Variants in TLK1 observed in about 807,000 individuals in gnomAD.
The protein encoded by TLK1 is tousled like kinase 1, also known as serine/threonine-protein kinase tousled-like 1.
TLK1 carries 24 observed loss-of-function variants against 105.3 expected under a neutral mutation model. The observed-to-expected ratio is 0.23, with a 90% confidence interval of 0.17 to 0.32. The LOEUF (loss-of-function observed/expected upper bound fraction) is 0.32, where lower values mean the gene tolerates loss of function less well. TLK1 is among the 10% of genes least tolerant of loss of function. The probability of loss-of-function intolerance (pLI) is 1.00; values close to 1 mark genes in which losing one functional copy is unlikely to be tolerated. For synonymous variants in TLK1, 321 were observed against 310.4 expected (o/e 1.03, Z -0.36); for missense variants, 558 against 910.5 (o/e 0.61, Z 4.98).
At chr2:171,149,452 C>G (rs144658300) in intron 1 of TLK1, among the ~76,000 whole-genome samples, 2 of 152,210 alleles carry the variant, frequency 1.3e-5, no homozygotes, top group African/African-American at 4.8e-5. Context: ...GTTATATTAA[C>G]TTGTTATGTA....
At chr2:171,138,555 T>C (rs7579424) in intron 1 of TLK1, among the ~76,000 whole-genome samples, 29,837 of 152,166 alleles carry the variant, frequency 0.2, 3,742 homozygotes, top group Non-Finnish European at 0.28. Context: ...AATCTTAACA[T>C]AAAAACTATC....
intron 12 of TLK1, among the ~76,000 whole-genome samples, chr2:171,024,985 G>C (rs1026977634): frequency 6.6e-6 from 1 of 152,150 alleles, no homozygotes; most frequent in Non-Finnish European, 1.5e-5. Flanking sequence ...GCTCTGCTGT[G>C]ATTTTCCTAA....
chr2:171,033,920 A>G (rs1283924164), intron 11 of TLK1, among the ~76,000 whole-genome samples: 4 of 151,418 alleles, frequency 2.6e-5, no homozygotes, highest in African/African-American at 9.7e-5. Context: ...TCCCACAACA[A>G]CAAAACAACA....
chr2:171,107,642 C>T (rs1489537773), intron 2 of TLK1, among the ~76,000 whole-genome samples: 1 of 152,180 alleles, frequency 6.6e-6, no homozygotes, highest in African/African-American at 2.4e-5. Context: ...CCAGAAATGT[C>T]TTGTGTCTGA....
At chr2:171,074,759 T>C (rs781417302) in intron 3 of TLK1, among the ~76,000 whole-genome samples, 3 of 152,002 alleles carry the variant, frequency 2.0e-5, no homozygotes, top group Non-Finnish European at 4.4e-5. Context: ...GGTCAACAAG[T>C]AGAACACCAC....
intron 11 of TLK1, among the ~76,000 whole-genome samples, chr2:171,028,651 G>A (rs1685892838): frequency 6.6e-6 from 1 of 151,706 alleles, no homozygotes; most frequent in African/African-American, 2.4e-5. Context: ...ATATTCTTCA[G>A]AATATATTTA....
chr2:171,162,410 C>T (rs1692527455), upstream of TLK1, among the ~76,000 whole-genome samples: 1 of 152,110 alleles, frequency 6.6e-6, no homozygotes, highest in African/African-American at 2.4e-5. Context: ...TAGCGGCACG[C>T]GCCTGAAGTC....
At chr2:171,144,123 G>A (rs1691699271) in intron 1 of TLK1, among the ~76,000 whole-genome samples, 1 of 150,780 alleles carries the variant, frequency 6.6e-6, no homozygotes, top group Admixed American at 6.6e-5. Context: ...CAATTTATTA[G>A]GAAGATATAA....
At chr2:171,230,692 G>T (rs1048174509) in intron 1 of TLK1, among the ~76,000 whole-genome samples, 1 of 151,718 alleles carries the variant, frequency 6.6e-6, no homozygotes, top group Non-Finnish European at 1.5e-5. Flanking sequence ...GTGTCTTGGC[G>T]TATTGACCTG....
intron 11 of TLK1, among the ~76,000 whole-genome samples, chr2:171,030,239 A>G (rs900877473): frequency 6.6e-6 from 1 of 152,166 alleles, no homozygotes; most frequent in East Asian, 1.9e-4. Context: ...AACTAATTCT[A>G]AAAAAGGAGT....
rs547663781 is a variant in TLK1, at chr2:171,075,561, CATGA to C, written c.330+7216_330+7219del. On this transcript the variant is annotated intron_variant, in intron 3 of 20. Transcript: ENST00000431350. Reference sequence around the variant, plus strand: ...ATTTGATATATGTCTGCTTTATAAACATGAATATTATGGAGTATATTGTATATAA... The same window carrying C: ...ATTTGATATATGTCTGCTTTATAAACATATTATGGAGTATATTGTATATAA... Among the ~76,000 whole-genome samples the C allele has an allele frequency of 1.2e-4, 19 of 152,228 alleles. No individual in the cohort carries two copies. In the East Asian group the frequency reaches 3.5e-3, roughly 28 times the overall value.
chr2:171,046,897 AAT>A, intron 10 of TLK1, among the ~76,000 whole-genome samples: 1 of 152,340 alleles, frequency 6.6e-6, no homozygotes, highest in African/African-American at 2.4e-5. Context: ...ACAAAAGGCA[AAT>A]ATGAATTTAA....
chr2:171,158,789 A>C (rs933847124), intron 1 of TLK1, among the ~76,000 whole-genome samples: 7 of 152,220 alleles, frequency 4.6e-5, no homozygotes, highest in African/African-American at 1.4e-4. Context: ...TTCAAGTGCA[A>C]AAGAATCACC....
Position 170,999,422 on chromosome 2 carries a change from T to C in TLK1, c.1905-1599A>G, listed in dbSNP as rs192515214. On this transcript the variant is annotated intron_variant, in intron 18 of 20. Transcript: ENST00000431350. ...AGTGTGTATTTTACGCAGGTGTCTA[T>C]GTGTGTAACTGAAACAGGAATAGCT... is the stretch of plus-strand genomic sequence containing the variant. Among the ~76,000 whole-genome samples the C allele has an allele frequency of 4.1e-4, 63 of 152,330 alleles. 1 individual carries two copies. The highest frequency in any genetic ancestry group is 1.0e-4 in the Non-Finnish European group (7 of 68,036).
intron 1 of TLK1, among the ~76,000 whole-genome samples, chr2:171,196,858 G>T (rs954468037): frequency 6.6e-6 from 1 of 152,176 alleles, no homozygotes; most frequent in African/African-American, 2.4e-5. Flanking sequence ...AAGTAACTAT[G>T]CCTATATGAA....
intron 1 of TLK1, among the ~76,000 whole-genome samples, chr2:171,184,225 G>A (rs1284802203): frequency 6.6e-6 from 1 of 152,158 alleles, no homozygotes; most frequent in Non-Finnish European, 1.5e-5. Context: ...AATCCAAAAA[G>A]CAGAAAGCCC....
At chr2:171,065,335 A>G (rs1045653547) in intron 3 of TLK1, among the ~76,000 whole-genome samples, 1 of 152,244 alleles carries the variant, frequency 6.6e-6, no homozygotes, top group Non-Finnish European at 1.5e-5. Context: ...CATCATCTCT[A>G]ATAAAATCAC....
chr2:171,196,557 A>G (rs1046962447), intron 1 of TLK1, among the ~76,000 whole-genome samples: 3 of 152,240 alleles, frequency 2.0e-5, no homozygotes, highest in Non-Finnish European at 2.9e-5. Flanking sequence ...TTGGTTTGCC[A>G]TATATCTATA....
At chr2:171,158,720 G>A (rs1401782653) in intron 1 of TLK1, among the ~76,000 whole-genome samples, 1 of 152,132 alleles carries the variant, frequency 6.6e-6, no homozygotes, top group Non-Finnish European at 1.5e-5. Flanking sequence ...GTAAAAGCAT[G>A]CTAAAAGCAA....
Sources: allele counts gnomAD v4.1 joint callset (sites outside exome capture counted in the v4.1 genomes callset), GRCh38; gene constraint gnomAD v4.1.1; transcripts MANE v1.5; gene names NCBI Gene and HGNC (gene_info 2026-07-23, HGNC 2026-07-21).